Variants in TRAPPC9 observed in about 807,000 individuals in gnomAD.
TRAPPC9 encodes the protein IKK2 binding protein.
TRAPPC9 carries 83 observed loss-of-function variants against 124.0 expected under a neutral mutation model. The ratio of observed to expected loss-of-function variants is 0.67; its 90% CI spans 0.56 to 0.80. The LOEUF (loss-of-function observed/expected upper bound fraction) is 0.80. TRAPPC9 is among the 30% of genes least tolerant of loss of function. The pLI is 0.00. For missense variants in TRAPPC9, 1,302 were observed against 1,508.3 expected, an observed-to-expected ratio of 0.86 and a Z score of 2.27; for synonymous variants, 638 against 617.5, an observed-to-expected ratio of 1.03 and a Z score of -0.49.
intron 1 of TRAPPC9, among the ~76,000 whole-genome samples, chr8:140,456,167 T>C (rs965751552): frequency 1.3e-5 from 2 of 152,136 alleles, no homozygotes; most frequent in Non-Finnish European, 2.9e-5. Context: ...CCCAGTACTT[T>C]GGGAGGCCAA....
chr8:140,052,968 G>A (rs1842090786), intron 17 of TRAPPC9, among the ~76,000 whole-genome samples: 1 of 152,112 alleles, frequency 6.6e-6, no homozygotes, highest in Admixed American at 6.5e-5. Flanking sequence ...AAAATGATAG[G>A]AGTGGATTCA....
intron 21 of TRAPPC9, among the ~76,000 whole-genome samples, chr8:139,826,023 C>A (rs535640547): frequency 6.6e-6 from 1 of 152,154 alleles, no homozygotes; most frequent in Non-Finnish European, 1.5e-5. Flanking sequence ...GGGTGAGAGC[C>A]CATTCTGCCT....
intron 8 of TRAPPC9, among the ~76,000 whole-genome samples, chr8:140,368,809 T>A (rs2068196115): frequency 6.6e-6 from 1 of 152,174 alleles, no homozygotes; most frequent in Non-Finnish European, 1.5e-5. Context: ...GCCCTCCTTT[T>A]AAATGAGGCA....
chr8:140,376,283 G>A (rs138226107), intron 7 of TRAPPC9, among the ~76,000 whole-genome samples: 2,398 of 151,680 alleles, frequency 0.016, 39 homozygotes, highest in Middle Eastern at 0.071. Context: ...GAGGCCGGGC[G>A]CGGTGGCTCA....
chr8:139,818,351 C>T (rs542533019), intron 21 of TRAPPC9, among the ~76,000 whole-genome samples: 3 of 152,178 alleles, frequency 2.0e-5, no homozygotes, highest in Admixed American at 6.5e-5. Flanking sequence ...CAAGGCAGGC[C>T]GATCACTTGA....
At chr8:140,008,643 T>A (rs957351037) in intron 18 of TRAPPC9, 1 of 152,212 alleles carries the variant, frequency 6.6e-6, no homozygotes, top group Non-Finnish European at 1.5e-5. Context: ...GGCACAAGGG[T>A]CGAGAGTAAA....
chr8:139,793,749 G>A (rs1223608723), intron 21 of TRAPPC9, among the ~76,000 whole-genome samples: 1 of 152,166 alleles, frequency 6.6e-6, no homozygotes, highest in African/African-American at 2.4e-5. Flanking sequence ...ACACAAGTCA[G>A]CCCAGATCCA....
chr8:140,289,170 ATATAGTGTGT>A (rs948826412), intron 12 of TRAPPC9, among the ~76,000 whole-genome samples: 6 of 136,264 alleles, frequency 4.4e-5, no homozygotes, highest in African/African-American at 1.4e-4. Flanking sequence ...TTAGATATAT[ATATAGTGTGT>A]GTGTGTGTGT....
chr8:140,234,237 G>A (rs551417078), intron 16 of TRAPPC9, among the ~76,000 whole-genome samples: 2 of 152,184 alleles, frequency 1.3e-5, no homozygotes, highest in Middle Eastern at 3.2e-3. Context: ...AGAATCTAAC[G>A]CCTGATGATC....
At chr8:140,345,981 G>A in intron 9 of TRAPPC9, among the ~76,000 whole-genome samples, 1 of 152,192 alleles carries the variant, frequency 6.6e-6, no homozygotes, top group Non-Finnish European at 1.5e-5. Context: ...AGGGAAGGCT[G>A]GACACAGCCC....
chr8:140,057,938 G>T (rs1249811860), intron 17 of TRAPPC9, among the ~76,000 whole-genome samples: 1 of 152,202 alleles, frequency 6.6e-6, no homozygotes, highest in African/African-American at 2.4e-5. Flanking sequence ...TAGTGGAGGT[G>T]GTCCTGCCAG....
At chr8:140,443,210 C>T (rs1035359113) in intron 2 of TRAPPC9, among the ~76,000 whole-genome samples, 12 of 145,704 alleles carry the variant, frequency 8.2e-5, no homozygotes, top group East Asian at 4.1e-4. Flanking sequence ...CCAAGGCGGG[C>T]AGATCACAAA....
chr8:140,083,473 C>T (rs569920612), intron 17 of TRAPPC9, among the ~76,000 whole-genome samples: 5 of 152,132 alleles, frequency 3.3e-5, no homozygotes, highest in East Asian at 1.9e-4. Flanking sequence ...GAAACGCACA[C>T]GCAACGCAGT....
chr8:140,351,864 G>A (rs1178976023), intron 9 of TRAPPC9, among the ~76,000 whole-genome samples: 3 of 152,102 alleles, frequency 2.0e-5, no homozygotes. Flanking sequence ...AAAAACTTTT[G>A]TAACAGCTTT....
intron 9 of TRAPPC9, among the ~76,000 whole-genome samples, chr8:140,349,301 G>A (rs893237863): frequency 4.5e-4 from 67 of 147,406 alleles, no homozygotes; most frequent in African/African-American, 1.6e-3. Flanking sequence ...ACACCAGGGG[G>A]CTGAAGGAGG....
chr8:140,446,715 C>T (rs1029063987), intron 2 of TRAPPC9, among the ~76,000 whole-genome samples: 31 of 152,112 alleles, frequency 2.0e-4, no homozygotes, highest in Non-Finnish European at 5.9e-5. Flanking sequence ...ACACCACGCC[C>T]GGCTAACTTT....
rs1831436134 is a variant in TRAPPC9 at position 139,907,510 on chromosome 8, G to T, written c.2964+2637C>A. 6.9e-6 allele frequency among the ~76,000 whole-genome samples: 1 copy of T among 144,828 alleles called. No homozygotes were observed. The highest frequency in any genetic ancestry group is 6.9e-5 in the Admixed American group (1 of 14,564). ...ATGTCATCAACAGATGAGAGTGGGG[G>T]GAAGGGAGAGGAGAGGGAGAAAGAG... On this transcript the variant is annotated intron_variant, in intron 20 of 22. Transcript: ENST00000438773. This position sits in a 1 kb window ranked among gnomAD's most constrained non-coding sequence, Gnocchi z 4.7.
At chr8:139,939,354 A>G (rs2131432627) in intron 19 of TRAPPC9, among the ~76,000 whole-genome samples, 1 of 152,324 alleles carries the variant, frequency 6.6e-6, no homozygotes, top group Admixed American at 6.5e-5. Context: ...GGCAGGTGCC[A>G]GCACCTGAGA....
chr8:140,201,082 A>T (rs2062777926), intron 17 of TRAPPC9, among the ~76,000 whole-genome samples: 1 of 152,154 alleles, frequency 6.6e-6, no homozygotes, highest in Non-Finnish European at 1.5e-5. Context: ...GGGCTCACAG[A>T]CCCAGGCCTC....
Sources: allele counts gnomAD v4.1 joint callset (sites outside exome capture counted in the v4.1 genomes callset), GRCh38; gene constraint gnomAD v4.1.1; non-coding constraint Gnocchi (gnomAD v3.1); transcripts MANE v1.5; gene names NCBI Gene and HGNC (gene_info 2026-07-23, HGNC 2026-07-21).